CRY1: variants seen among roughly 807,000 people sequenced by gnomAD.
CRY1 encodes the protein cryptochrome-1.
In CRY1, 45 loss-of-function variants were observed where a neutral mutation model predicts 76.0. The ratio of observed to expected loss-of-function variants is 0.59; its 90% CI spans 0.47 to 0.76. CRY1 has a LOEUF of 0.76. CRY1 is among the 30% of genes least tolerant of loss of function. The pLI is 0.00. For synonymous variants in CRY1, 248 were observed against 244.0 expected (o/e 1.02, Z -0.15); for missense variants, 587 against 716.4 (o/e 0.82, Z 2.06).
In CRY1 at chr12:106,994,732, A is replaced by G. The variant is rs143914070; in HGVS notation, c.1586-1696T>C. On this transcript the variant is annotated intron_variant, in intron 10 of 12. Transcript: ENST00000008527. ...GGTCTAAGAAGCAGTCTGTGCCATC[A>G]TTGTGTATTAGCCCAACCCTTGGTT... Among the ~76,000 whole-genome samples the G allele has an allele frequency of 6.9e-3, 1,045 of 152,316 alleles. 17 individuals carry two copies. The highest frequency in any genetic ancestry group is 0.024 in the African/African-American group (1,002 of 41,568).
intron 1 of CRY1, among the ~76,000 whole-genome samples, chr12:107,045,591 T>C (rs186839013): frequency 6.6e-6 from 1 of 152,244 alleles, no homozygotes; most frequent in Non-Finnish European, 1.5e-5. Context: ...CCGAATGGTA[T>C]TGCCTAGGTT....
At chr12:107,059,309 T>C (rs1488064725) in intron 1 of CRY1, among the ~76,000 whole-genome samples, 1 of 152,152 alleles carries the variant, frequency 6.6e-6, no homozygotes, top group South Asian at 2.1e-4. Flanking sequence ...TGGAGTGCAG[T>C]AGCATGATCA....
At chr12:106,993,708 T>G (rs1040578158) in intron 10 of CRY1, among the ~76,000 whole-genome samples, 5 of 152,230 alleles carry the variant, frequency 3.3e-5, no homozygotes, top group African/African-American at 9.6e-5. Context: ...TACTTTCGTT[T>G]TAATTAACTT....
chr12:107,018,642 T>A (rs1183854758), intron 2 of CRY1, among the ~76,000 whole-genome samples: 2 of 151,988 alleles, frequency 1.3e-5, no homozygotes, highest in African/African-American at 4.8e-5. Context: ...ATAATGAGAA[T>A]GTTTTTAAAA....
intron 2 of CRY1, among the ~76,000 whole-genome samples, chr12:107,016,706 C>T (rs1952501428): frequency 6.6e-6 from 1 of 152,136 alleles, no homozygotes; most frequent in Non-Finnish European, 1.5e-5. Flanking sequence ...GACTTGAATG[C>T]CTTCTCAACA....
intron 1 of CRY1, among the ~76,000 whole-genome samples, chr12:107,031,473 T>C (rs1952673702): frequency 6.6e-6 from 1 of 151,998 alleles, no homozygotes; most frequent in Non-Finnish European, 1.5e-5. Context: ...TCTAGCCAGT[T>C]TGGGATGAAA....
intron 3 of CRY1, 97 bp from the exon 4 acceptor site, chr12:107,002,045 T>G: frequency 6.9e-6 from 7 of 1,020,306 alleles, no homozygotes; most frequent in Non-Finnish European, 9.9e-6. Context: ...AAAATAAAAT[T>G]AATCACTGAA....
chr12:107,046,135 A>T (rs1420416243), intron 1 of CRY1, among the ~76,000 whole-genome samples: 1 of 151,696 alleles, frequency 6.6e-6, no homozygotes, highest in Non-Finnish European at 1.5e-5. Context: ...TAAAAAAAAA[A>T]AAAAAAAATT....
chr12:107,068,119 T>G (rs191162992), intron 1 of CRY1, among the ~76,000 whole-genome samples: 3 of 152,306 alleles, frequency 2.0e-5, no homozygotes, highest in African/African-American at 7.2e-5. Flanking sequence ...ACAGACATCC[T>G]AATTAGTTTC....
Position 107,093,216 on chromosome 12 carries a change from G to T in CRY1, c.-255C>A, listed in dbSNP as rs1267423073. ...CGCCCTTTAGGAGCCCGCGCCCGCCGCAACCGCCTGGAGGCGACGCATAAC... is the reference window on the plus strand; with the variant it reads ...CGCCCTTTAGGAGCCCGCGCCCGCCTCAACCGCCTGGAGGCGACGCATAAC... On this transcript the variant is annotated 5_prime_UTR_variant, in exon 1 of 13. Transcript: ENST00000008527. 2.3e-6 allele frequency: 1 copy of T among 425,742 alleles called. No homozygotes were observed. The highest frequency in any genetic ancestry group is 3.8e-5 in the East Asian group (1 of 26,482). 26.4% of individuals were successfully genotyped at this position (425,742 alleles called of 1,614,324 possible). A position where few individuals can be genotyped will look rare whatever the true frequency, so the allele number is the denominator to read the frequency against.
At chr12:107,079,166 G>A (rs553900520) in intron 1 of CRY1, among the ~76,000 whole-genome samples, 2 of 152,230 alleles carry the variant, frequency 1.3e-5, no homozygotes, top group South Asian at 4.1e-4. Context: ...CTTCAGTTCA[G>A]TCAAGCTGAT....
At chr12:107,049,502 G>A (rs1277083168) in intron 1 of CRY1, among the ~76,000 whole-genome samples, 1 of 152,088 alleles carries the variant, frequency 6.6e-6, no homozygotes, top group South Asian at 2.1e-4. Context: ...AGCCTCCTGA[G>A]TAGCTGGGAC....
In CRY1 at chr12:107,046,943, A is replaced by T. The variant is rs1439133156; in HGVS notation, c.159-24751T>A. ...TACAATAATAGGGACTTAATCATCC[A>T]ACTCTCAGCATTGAGAAGATCATCT... On this transcript the variant is annotated intron_variant, in intron 1 of 12. Transcript: ENST00000008527. 5.3e-5 allele frequency among the ~76,000 whole-genome samples: 8 copies of T among 152,240 alleles called. 1 individual carries two copies. Among genetic ancestry groups the T allele is most frequent in the Admixed American group, 4.6e-4 (7 of 15,290 alleles).
At chr12:107,060,330 C>G (rs1185179269) in intron 1 of CRY1, among the ~76,000 whole-genome samples, 2 of 152,124 alleles carry the variant, frequency 1.3e-5, no homozygotes, top group Non-Finnish European at 2.9e-5. Flanking sequence ...GAAGTGGGTT[C>G]TTCATCTAAG....
At chr12:107,074,826 C>T (rs1045349804) in intron 1 of CRY1, among the ~76,000 whole-genome samples, 1 of 152,062 alleles carries the variant, frequency 6.6e-6, no homozygotes, top group East Asian at 1.9e-4. Flanking sequence ...AAAAGCCTGG[C>T]CAACATGATG....
rs935737476 is a variant in CRY1 at position 107,039,664 on chromosome 12, T to C, written c.159-17472A>G. ...CTATTGTCAAAAAAATAAAAGGCAATGTGTTGGCAAGGATATGGAGAAACT... is the reference window on the plus strand; with the variant it reads ...CTATTGTCAAAAAAATAAAAGGCAACGTGTTGGCAAGGATATGGAGAAACT... On this transcript the variant is annotated intron_variant, in intron 1 of 12. Transcript: ENST00000008527. 2.0e-5 allele frequency among the ~76,000 whole-genome samples: 3 copies of C among 152,192 alleles called. No homozygotes were observed. The East Asian group carries it at 5.8e-4, about 29-fold the overall frequency.
chr12:107,055,824 C>CA lies in CRY1; in HGVS notation c.159-33633dup, dbSNP rs966549720. ...TAGGAGACAGAGCAAGACCCTGTCTCAAAAAAAAAAAGAATGAAAGAAAAG... is the reference window on the plus strand; with the variant it reads ...TAGGAGACAGAGCAAGACCCTGTCTCAAAAAAAAAAAAGAATGAAAGAAAAG... On this transcript the variant is annotated intron_variant, in intron 1 of 12. Transcript: ENST00000008527. 2.5e-3 allele frequency among the ~76,000 whole-genome samples: 326 copies of CA among 130,624 alleles called. 4 individuals are homozygous for CA. The highest frequency in any genetic ancestry group is 7.4e-3 in the African/African-American group (263 of 35,360). The allele number at this position is 130,624 out of a possible 152,430, so 85.7% of individuals were successfully genotyped here.
chr12:107,079,676 T>C (rs1471486607), intron 1 of CRY1, among the ~76,000 whole-genome samples: 1 of 152,094 alleles, frequency 6.6e-6, no homozygotes, highest in African/African-American at 2.4e-5. Flanking sequence ...AATTTGCTTC[T>C]CTCTGCTTGG....
chr12:107,007,701 A>AT (rs1218589141), intron 2 of CRY1, among the ~76,000 whole-genome samples: 1 of 151,258 alleles, frequency 6.6e-6, no homozygotes, highest in Non-Finnish European at 1.5e-5. Flanking sequence ...AGCTAACTTA[A>AT]TTTTTTTTCG....
Sources: gnomAD v4.1 joint callset for allele counts (sites outside exome capture counted in the v4.1 genomes callset) on GRCh38, gnomAD v4.1.1 for gene constraint, MANE v1.5 for transcripts, NCBI Gene and HGNC (gene_info 2026-07-23, HGNC 2026-07-21) for gene names.